The following ONECUT2 variants were observed in gnomAD, a reference collection of about 807,000 sequenced individuals.
ONECUT2 encodes one cut homeobox 2.
In ONECUT2, 10 loss-of-function variants were observed where a neutral mutation model predicts 27.9. That is an observed-to-expected ratio of 0.36 (90% CI 0.22 to 0.61). The LOEUF (loss-of-function observed/expected upper bound fraction) is 0.61, where lower values mean the gene tolerates loss of function less well. Among genes scored for constraint, ONECUT2 ranks in the 20% least tolerant of loss-of-function variants. ONECUT2 has a pLI of 0.73. For missense variants in ONECUT2, 686 were observed against 721.0 expected, an observed-to-expected ratio of 0.95 and a Z score of 0.56; for synonymous variants, 334 against 315.1, an observed-to-expected ratio of 1.06 and a Z score of -0.64.
At position 57,481,776 on chromosome 18, in the gene ONECUT2, T is replaced by A. The variant is rs1406574591; in HGVS notation, c.*5053T>A. ...TGTTTCCAATGTTGTTGAAGAATAATGAACTCTATTAAAAAGTGGAGAAAA... is the reference window on the plus strand; with the variant it reads ...TGTTTCCAATGTTGTTGAAGAATAAAGAACTCTATTAAAAAGTGGAGAAAA... On this transcript the variant is annotated 3_prime_UTR_variant, in exon 2 of 2. Coordinates refer to ENST00000491143, the MANE Select transcript of ONECUT2 (RefSeq NM_004852.3). 1 of 152,218 alleles carries A rather than the reference T, an allele frequency of 6.6e-6. No individual in the cohort carries two copies. The highest frequency in any genetic ancestry group is 2.4e-5 in the African/African-American group (1 of 41,456). 9.4% of individuals were successfully genotyped at this position (152,218 alleles called of 1,614,324 possible).
intron 1 of ONECUT2, chr18:57,467,335 A>G: frequency 3.1e-6 from 1 of 318,900 alleles, no homozygotes; most frequent in Middle Eastern, 5.3e-4. Context: ...GATCATCCAC[A>G]TTTCCTTTGG....
chr18:57,463,703 T>C (rs1218270474), intron 1 of ONECUT2, among the ~76,000 whole-genome samples: 4 of 152,334 alleles, frequency 2.6e-5, no homozygotes, highest in Admixed American at 6.5e-5. Flanking sequence ...ATCTATTCTA[T>C]GTACACTCTT....
At chr18:57,438,649 G>T (rs1286537209) in intron 1 of ONECUT2, among the ~76,000 whole-genome samples, 1 of 152,180 alleles carries the variant, frequency 6.6e-6, no homozygotes, top group Non-Finnish European at 1.5e-5. Flanking sequence ...TAATCGCCCC[G>T]CAGTGTTGAT....
rs1357232084 is a variant in ONECUT2 at position 57,482,976 on chromosome 18, T to A, written c.*6253T>A. The A allele has an allele frequency of 6.6e-6, 1 of 152,622 alleles. No individual in the cohort carries two copies. Among genetic ancestry groups the A allele is most frequent in the African/African-American group, 2.4e-5 (1 of 41,448 alleles). The allele number at this position is 152,622 out of a possible 1,614,324, so 9.5% of individuals were successfully genotyped here. On this transcript the variant is annotated 3_prime_UTR_variant, in exon 2 of 2. Transcript: ENST00000491143. Reference sequence around the variant, plus strand: ...TAATTTCATTTGGGCATATCCAAGATAAACTCAACTTTCAAGAAATCTTGT... The same window carrying A: ...TAATTTCATTTGGGCATATCCAAGAAAAACTCAACTTTCAAGAAATCTTGT...
intron 1 of ONECUT2, among the ~76,000 whole-genome samples, chr18:57,441,773 A>C (rs548269336): frequency 1.3e-5 from 2 of 152,268 alleles, no homozygotes; most frequent in Non-Finnish European, 2.9e-5. Context: ...CGTACTAAAA[A>C]GGCTCACGCG....
intron 1 of ONECUT2, chr18:57,467,056 A>G (rs597720): frequency 0.11 from 42,744 of 401,162 alleles, 2,712 homozygotes; most frequent in Middle Eastern, 0.21. Flanking sequence ...CCTCCATATA[A>G]GAAAGTCGTG....
chr18:57,459,031 C>T (rs2050275727), intron 1 of ONECUT2, among the ~76,000 whole-genome samples: 1 of 152,044 alleles, frequency 6.6e-6, no homozygotes, highest in Non-Finnish European at 1.5e-5. Context: ...CTGAGAATGT[C>T]CTGTTCATAT....
chr18:57,458,482 T>C (rs1190442091), intron 1 of ONECUT2, among the ~76,000 whole-genome samples: 1 of 152,258 alleles, frequency 6.6e-6, no homozygotes, highest in Non-Finnish European at 1.5e-5. Flanking sequence ...TCACACTGCA[T>C]GCATCATTCC....
intron 1 of ONECUT2, among the ~76,000 whole-genome samples, chr18:57,467,390 G>C (rs1164471069): frequency 6.6e-6 from 1 of 151,634 alleles, no homozygotes; most frequent in Non-Finnish European, 1.5e-5. Flanking sequence ...TCCTAAGACA[G>C]AGCCTTGCTC....
chr18:57,438,679 T>G (rs4940717), intron 1 of ONECUT2, among the ~76,000 whole-genome samples: 1 of 152,006 alleles, frequency 6.6e-6, no homozygotes, highest in Non-Finnish European at 1.5e-5. Flanking sequence ...TAAAGAAAAC[T>G]AGGTTTCCCT....
chr18:57,448,365 C>T (rs2050212310), intron 1 of ONECUT2, among the ~76,000 whole-genome samples: 1 of 152,088 alleles, frequency 6.6e-6, no homozygotes, highest in African/African-American at 2.4e-5. Context: ...CCAGGTGGCC[C>T]TTTGTGTAAA....
intron 1 of ONECUT2, among the ~76,000 whole-genome samples, chr18:57,452,642 C>T (rs1184399759): frequency 6.6e-6 from 1 of 152,196 alleles, no homozygotes. Context: ...CCAGGCTGGT[C>T]TCGAACTCCT....
In ONECUT2 at chr18:57,479,659, C is replaced by T. The variant is rs1020637921; in HGVS notation, c.*2936C>T. 2.6e-5 allele frequency: 4 copies of T among 152,596 alleles called. No homozygotes were observed. Among genetic ancestry groups the T allele is most frequent in the Admixed American group, 2.6e-4 (4 of 15,264 alleles). The allele number at this position is 152,596 out of a possible 1,614,324, so 9.5% of individuals were successfully genotyped here. On this transcript the variant is annotated 3_prime_UTR_variant, in exon 2 of 2. Transcript: ENST00000491143. ...GAGTCATCTCTATTCTATCCCTCAG[C>T]CTCGATTAAGGTGGTGAGTGAAGTG...
intron 1 of ONECUT2, among the ~76,000 whole-genome samples, chr18:57,465,069 A>T (rs1251972825): frequency 6.6e-6 from 1 of 152,102 alleles, no homozygotes; most frequent in African/African-American, 2.4e-5. Context: ...CCACAGTGTC[A>T]GTTTTGCTCT....
chr18:57,480,688 A>G lies in ONECUT2; in HGVS notation c.*3965A>G, dbSNP rs2122160140. ...TGCTTTTAGAAAATTATTTACATAC[A>G]TATATAAATATATATGTGTATCTAT... On this transcript the variant is annotated 3_prime_UTR_variant, in exon 2 of 2. Transcript: ENST00000491143. 6.6e-6 allele frequency: 1 copy of G among 152,260 alleles called. No homozygotes were observed. Among genetic ancestry groups the G allele is most frequent in the East Asian group, 1.9e-4 (1 of 5,182 alleles). The allele number at this position is 152,260 out of a possible 1,614,324, so 9.4% of individuals were successfully genotyped here.
chr18:57,474,403 T>C (rs540771787), intron 1 of ONECUT2, among the ~76,000 whole-genome samples: 2 of 152,284 alleles, frequency 1.3e-5, no homozygotes, highest in East Asian at 3.9e-4. Context: ...AACAACAAAA[T>C]ACCGTGACTT....
chr18:57,482,191 G>A lies in ONECUT2; in HGVS notation c.*5468G>A, dbSNP rs1323672271. On this transcript the variant is annotated 3_prime_UTR_variant, in exon 2 of 2. Transcript: ENST00000491143. The stretch of plus-strand genomic sequence containing the variant: ...GATAATGATGTTGATTTTAAATATG[G>A]ATGTCTCAATGCCTGTTTTCTATCA... 14 of 152,282 alleles carry A rather than the reference G, an allele frequency of 9.2e-5. No individual in the cohort carries two copies. The East Asian group carries it at 2.7e-3, about 29-fold the overall frequency. The allele number at this position is 152,282 out of a possible 1,614,324, so 9.4% of individuals were successfully genotyped here.
Position 57,440,055 on chromosome 18 carries a change from C to G in ONECUT2, c.1228+3111C>G, listed in dbSNP as rs368008073. On this transcript the variant is annotated intron_variant, in intron 1 of 1. Transcript: ENST00000491143. ...CTTGAAAGGAAAAGGGAGAAAACTT[C>G]GGAGAAATTTAGATTGCCCCAACGT... Among the ~76,000 whole-genome samples the G allele has an allele frequency of 9.8e-5, 15 of 152,334 alleles. 1 individual carries two copies. The highest frequency in any genetic ancestry group is 3.6e-4 in the African/African-American group (15 of 41,576).
intron 1 of ONECUT2, among the ~76,000 whole-genome samples, chr18:57,456,174 G>A (rs934047914): frequency 6.6e-6 from 1 of 152,204 alleles, no homozygotes; most frequent in East Asian, 1.9e-4. Flanking sequence ...GAAATAGTAT[G>A]GCAGTTCCTC....
Sources: allele counts gnomAD v4.1 joint callset (sites outside exome capture counted in the v4.1 genomes callset), GRCh38; gene constraint gnomAD v4.1.1; transcripts MANE v1.5; gene names NCBI Gene and HGNC (gene_info 2026-07-23, HGNC 2026-07-21).